Variants in NICN1 observed in about 807,000 individuals in gnomAD.
The protein encoded by NICN1 is nicolin 1, tubulin polyglutamylase complex subunit, also known as nicolin-1.
A neutral mutation model predicts 26.3 loss-of-function variants in NICN1; 18 were observed. The ratio of observed to expected loss-of-function variants is 0.68; its 90% confidence interval spans 0.47 to 1.01. The LOEUF (loss-of-function observed/expected upper bound fraction) is 1.01. Ranked by LOEUF, NICN1 falls within the 50% of genes least tolerant of loss-of-function variation. The pLI, the probability that NICN1 is intolerant of heterozygous loss-of-function variation, is 0.00. For synonymous variants in NICN1, 109 were observed against 111.0 expected (o/e 0.98, Z 0.11); for missense variants, 239 against 278.3 (o/e 0.86, Z 1.00).
Position 49,425,106 on chromosome 3 carries a change from T to G in NICN1, c.496-53A>C, listed in dbSNP as rs2049160549. The G allele has an allele frequency of 5.3e-6, 8 of 1,496,220 alleles. No individual in the cohort carries two copies. In the South Asian group the frequency reaches 9.1e-5, roughly 17 times the overall value. The allele number at this position is 1,496,220 out of a possible 1,614,324, so 92.7% of individuals were successfully genotyped here. On this transcript the variant is annotated intron_variant, in intron 4 of 5. Transcript: ENST00000273598. ...ATGGGTCTCTCCCCAGCAGTGCCCT[T>G]CAGGCTCCAGAGAGGCCAACCTGGG...
intron 1 of NICN1, among the ~76,000 whole-genome samples, chr3:49,427,647 A>G (rs79898941): frequency 4.1e-5 from 6 of 147,270 alleles, no homozygotes; most frequent in Non-Finnish European, 6.0e-5. Context: ...CCTCTCAGAA[A>G]AAAAAAAAAA....
rs1186527315 is a variant in NICN1, at chr3:49,422,847, G to C, written c.*1986C>G. ...GGTCAAGTGGGGGTGGGGAAGGTGGGCCAGCCTGGCAGGTAGGCAGCACCA... is the reference window on the plus strand; with the variant it reads ...GGTCAAGTGGGGGTGGGGAAGGTGGCCCAGCCTGGCAGGTAGGCAGCACCA... On this transcript the variant is annotated 3_prime_UTR_variant, in exon 6 of 6. Coordinates refer to ENST00000273598, the MANE Select transcript of NICN1 (RefSeq NM_032316.3). The C allele has an allele frequency of 1.4e-5, 5 of 361,886 alleles. No individual in the cohort carries two copies. Among genetic ancestry groups the C allele is most frequent in the African/African-American group, 1.1e-4 (5 of 47,208 alleles). 22.4% of individuals were successfully genotyped at this position (361,886 alleles called of 1,614,324 possible).
chr3:49,428,102 C>T lies in NICN1; in HGVS notation c.132+1006G>A, dbSNP rs536095055. On this transcript the variant is annotated intron_variant, in intron 1 of 5. Coordinates refer to ENST00000273598, the MANE Select transcript of NICN1 (RefSeq NM_032316.3). ...GGGCGTGATGGTGGGTGCCTGTAATCCCAGCTACTTGGGAGGCTGAGGCAG... is the reference window on the plus strand; with the variant it reads ...GGGCGTGATGGTGGGTGCCTGTAATTCCAGCTACTTGGGAGGCTGAGGCAG... Among the ~76,000 whole-genome samples the T allele has an allele frequency of 3.9e-5, 6 of 152,182 alleles. No individual in the cohort carries two copies. The East Asian group carries it at 1.2e-3, about 29-fold the overall frequency.
chr3:49,424,928 C>G, intron 5 of NICN1, 21 bp downstream of exon 5: 1 of 1,613,498 alleles, frequency 6.2e-7, no homozygotes, highest in Non-Finnish European at 8.5e-7. Flanking sequence ...GCAAGCCAAG[C>G]AGAAGGAAGC....
At chr3:49,429,081 T>C in intron 1 of NICN1, 27 bp downstream of exon 1, 1 of 1,560,484 alleles carries the variant, frequency 6.4e-7, no homozygotes, top group Non-Finnish European at 8.7e-7. Context: ...CCCGGGAGCC[T>C]CGGTCGCGCC....
Position 49,426,085 on chromosome 3 carries a change from C to T in NICN1, c.310-89G>A, listed in dbSNP as rs146897295. 1,425 of 1,135,110 alleles carry T rather than the reference C, an allele frequency of 1.3e-3. 16 individuals carry two copies. In the African/African-American group the frequency reaches 0.02, roughly 16 times the overall value. The allele number at this position is 1,135,110 out of a possible 1,614,324, so 70.3% of individuals were successfully genotyped here. On this transcript the variant is annotated intron_variant, in intron 2 of 5. Transcript: ENST00000273598. Reference sequence around the variant, plus strand: ...CAATGAGCCAGAATGCTGCCCACCCCACAGGCCTTGGGAAGGAAGGAACAG... The same window carrying T: ...CAATGAGCCAGAATGCTGCCCACCCTACAGGCCTTGGGAAGGAAGGAACAG...
chr3:49,429,031 T>A (rs1347122277), intron 1 of NICN1, 77 bp downstream of exon 1: 15 of 1,398,320 alleles, frequency 1.1e-5, no homozygotes, highest in African/African-American at 1.5e-5. Flanking sequence ...CATAAAAGAT[T>A]AAATGCCTGG....
At position 49,426,240 on chromosome 3, in the gene NICN1, G is replaced by A; in HGVS notation, c.309+12C>T. ...ATCTGGGCTGCCCTGGCCATCCTGA[G>A]GCCCAGCTGACCTGATGCTTGAACA... On this transcript the variant is annotated intron_variant, in intron 2 of 5. Transcript: ENST00000273598. 1 of 1,613,240 alleles carries A rather than the reference G, an allele frequency of 6.2e-7. No individual in the cohort carries two copies. Among genetic ancestry groups the A allele is most frequent in the Non-Finnish European group, 8.5e-7 (1 of 1,179,552 alleles).
intron 3 of NICN1, 52 bp downstream of exon 3, chr3:49,425,831 C>A: frequency 1.0e-6 from 1 of 988,856 alleles, no homozygotes; most frequent in South Asian, 1.4e-5. Context: ...CTTTCCCAGT[C>A]ATAGAAGCTT....
intron 2 of NICN1, 50 bp downstream of exon 2, chr3:49,426,202 C>T: frequency 1.3e-6 from 2 of 1,579,844 alleles, no homozygotes; most frequent in Non-Finnish European, 1.7e-6. Flanking sequence ...CCCCCCACCT[C>T]TGGTAAGTCC....
At chr3:49,426,853 TG>T (rs772404632) in intron 1 of NICN1, among the ~76,000 whole-genome samples, 4 of 152,158 alleles carry the variant, frequency 2.6e-5, no homozygotes, top group Admixed American at 6.6e-5. Flanking sequence ...AAGACAATTC[TG>T]CCTTCCTAAA....
In NICN1 at chr3:49,426,398, T is replaced by C; in HGVS notation, c.163A>G (p.Thr55Ala). The C allele has an allele frequency of 1.1e-5, 17 of 1,614,186 alleles. No homozygotes were observed. The highest frequency in any genetic ancestry group is 1.4e-5 in the Non-Finnish European group (17 of 1,180,022). Residue 55 changes from threonine (T) to alanine (A), a missense_variant, in exon 2 of 6, where the codon ACA becomes GCA. Coordinates refer to ENST00000273598, the MANE Select transcript of NICN1 (RefSeq NM_032316.3). ...CGGACACGGATGCTCAAAAAAGCTG[T>C]GTAGTAATTCTTAAACGTGATTTCC... The part of the protein sequence containing the change: ...LQEITFKNYY[T>A]AFLSIRVRQY...
At chr3:49,425,104 C>G (rs1187796372) in intron 4 of NICN1, 51 bp from the exon 5 acceptor site, 8 of 1,499,816 alleles carry the variant, frequency 5.3e-6, no homozygotes, top group Non-Finnish European at 7.4e-6. Context: ...CAGCAGTGCC[C>G]TTCAGGCTCC....
chr3:49,426,451 C>T (rs761663769), intron 1 of NICN1, 23 bp from the exon 2 acceptor site: 11 of 1,608,388 alleles, frequency 6.8e-6, no homozygotes, highest in African/African-American at 2.7e-5. Context: ...CAACCCATTA[C>T]AACAAGTCAG....
intron 1 of NICN1, 90 bp from the exon 2 acceptor site, chr3:49,426,518 CCCCA>C: frequency 1.1e-6 from 1 of 935,108 alleles, no homozygotes; most frequent in Non-Finnish European, 1.6e-6. Flanking sequence ...TCTTCCTTCT[CCCCA>C]CCTTTTCTTT....
chr3:49,425,359 G>A lies in NICN1; in HGVS notation c.495+8C>T. 1 of 1,610,138 alleles carries A rather than the reference G, an allele frequency of 6.2e-7. No individual in the cohort carries two copies. Among genetic ancestry groups the A allele is most frequent in the Non-Finnish European group, 8.5e-7 (1 of 1,178,172 alleles). On this transcript the variant is annotated splice_region_variant and intron_variant, in intron 4 of 5. Transcript: ENST00000273598. Reference sequence around the variant, plus strand: ...CACACATGGTTCTTACCTAGGGTGAGGGCTTACCTCACGGAGGAGTGCAGG... The same window carrying A: ...CACACATGGTTCTTACCTAGGGTGAAGGCTTACCTCACGGAGGAGTGCAGG...
At chr3:49,427,239 T>G (rs1173813985) in intron 1 of NICN1, among the ~76,000 whole-genome samples, 1 of 149,732 alleles carries the variant, frequency 6.7e-6, no homozygotes, top group Non-Finnish European at 1.5e-5. Flanking sequence ...GAGAATGGCG[T>G]GAACCCAGGA....
At chr3:49,428,796 G>A (rs139346371) in intron 1 of NICN1, among the ~76,000 whole-genome samples, 1 of 151,906 alleles carries the variant, frequency 6.6e-6, no homozygotes, top group East Asian at 1.9e-4. Context: ...TGTGGCCAGG[G>A]ACAAAATGAC....
rs544232394 is a variant in NICN1 at position 49,422,657 on chromosome 3, G to A, written c.*2176C>T. 3 of 703,908 alleles carry A rather than the reference G, an allele frequency of 4.3e-6. No homozygotes were observed. Among genetic ancestry groups the A allele is most frequent in the Non-Finnish European group, 7.7e-6 (3 of 390,576 alleles). 43.6% of individuals were successfully genotyped at this position (703,908 alleles called of 1,614,324 possible). A position where few individuals can be genotyped will look rare whatever the true frequency, so the allele number is the denominator to read the frequency against. On this transcript the variant is annotated 3_prime_UTR_variant, in exon 6 of 6. Coordinates refer to ENST00000273598, the MANE Select transcript of NICN1 (RefSeq NM_032316.3). ...CAGGGAAGAAGCCTCCAGCTCTTTC[G>A]GCTGACTCTTCAGGGCAGCTCGGGC...
Sources: gnomAD v4.1 joint callset for allele counts (sites outside exome capture counted in the v4.1 genomes callset) on GRCh38, gnomAD v4.1.1 for gene constraint, MANE v1.5 for transcripts, NCBI Gene and HGNC (gene_info 2026-07-23, HGNC 2026-07-21) for gene names.